The following HERC4 variants were observed in gnomAD, a reference collection of about 807,000 sequenced individuals.
The protein encoded by HERC4 is probable E3 ubiquitin-protein ligase HERC4.
A neutral mutation model predicts 124.3 loss-of-function variants in HERC4; 28 were observed. The ratio of observed to expected loss-of-function variants is 0.23; its 90% CI spans 0.17 to 0.31. HERC4 has a LOEUF of 0.31. HERC4 is among the 10% of genes least tolerant of loss of function. The pLI, the probability that HERC4 is intolerant of heterozygous loss-of-function variation, is 1.00. For missense variants in HERC4, 713 were observed against 1,229.3 expected, an observed-to-expected ratio of 0.58 and a Z score of 6.28; for synonymous variants, 407 against 421.5, an observed-to-expected ratio of 0.97 and a Z score of 0.42.
intron 16 of HERC4, among the ~76,000 whole-genome samples, chr10:67,962,266 A>G (rs986111070): frequency 6.6e-6 from 1 of 151,570 alleles, no homozygotes; most frequent in Non-Finnish European, 1.5e-5. Flanking sequence ...GGCCTGCTTG[A>G]TAACTATACT....
intron 7 of HERC4, among the ~76,000 whole-genome samples, chr10:68,031,839 C>A (rs927592339): frequency 6.6e-6 from 1 of 152,006 alleles, no homozygotes; most frequent in Non-Finnish European, 1.5e-5. Context: ...CTGCAAACTC[C>A]GCCTCCTGGG....
At position 67,936,213 on chromosome 10, in the gene HERC4, GCAC is replaced by G. The variant is rs2032345079; in HGVS notation, c.2591_2593del (p.Gly864del). 6.3e-7 allele frequency: 1 copy of G among 1,598,518 alleles called. No homozygotes were observed. Reference sequence around the variant, plus strand: ...TAGAACCAGCTCTTTCACTTCTGTTGCACCAAAGTTTTCAACTGTGATCTATTA... The same window carrying G: ...TAGAACCAGCTCTTTCACTTCTGTTGCAAAGTTTTCAACTGTGATCTATTA... On this transcript the variant is annotated inframe_deletion, in exon 22 of 25. Coordinates refer to ENST00000373700, the MANE Select transcript of HERC4 (RefSeq NM_015601.4).
chr10:67,931,471 G>T (rs2031800351), intron 23 of HERC4, among the ~76,000 whole-genome samples: 1 of 151,490 alleles, frequency 6.6e-6, no homozygotes, highest in African/African-American at 2.4e-5. Flanking sequence ...GCTTTTTTTT[G>T]GAGAGTGCAG....
At chr10:67,930,067 A>G (rs942013957) in intron 23 of HERC4, among the ~76,000 whole-genome samples, 6 of 151,850 alleles carry the variant, frequency 4.0e-5, no homozygotes, top group African/African-American at 1.5e-4. Flanking sequence ...CGGCCTCCCA[A>G]AGTGCTGGGA....
chr10:68,020,521 C>T (rs761663524), intron 8 of HERC4, among the ~76,000 whole-genome samples: 11 of 151,958 alleles, frequency 7.2e-5, no homozygotes, highest in Non-Finnish European at 1.3e-4. Context: ...AATCCCAGCA[C>T]TTTGGGAGGC....
chr10:67,943,261 T>C (rs2033066250), intron 19 of HERC4, among the ~76,000 whole-genome samples: 1 of 152,238 alleles, frequency 6.6e-6, no homozygotes, highest in African/African-American at 2.4e-5. Flanking sequence ...GACTGATTAA[T>C]GTGTTAAATC....
At chr10:68,000,941 G>C (rs1381673009) in intron 9 of HERC4, among the ~76,000 whole-genome samples, 1 of 152,180 alleles carries the variant, frequency 6.6e-6, no homozygotes, top group Non-Finnish European at 1.5e-5. Context: ...CGAGTTTGTG[G>C]TAGGTTGTTA....
chr10:67,926,862 T>C (rs1335431676), intron 23 of HERC4, among the ~76,000 whole-genome samples: 1 of 152,236 alleles, frequency 6.6e-6, no homozygotes, highest in African/African-American at 2.4e-5. Flanking sequence ...TAATTAAAAC[T>C]GTGTATTAAA....
At chr10:67,935,872 C>A (rs1476151575) in intron 22 of HERC4, among the ~76,000 whole-genome samples, 2 of 152,154 alleles carry the variant, frequency 1.3e-5, no homozygotes, top group Non-Finnish European at 2.9e-5. Context: ...CTTCGTGACT[C>A]CTCTTTTCCA....
chr10:67,992,324 C>A lies in HERC4; in HGVS notation c.1147-1G>T. 6.2e-7 allele frequency: 1 copy of A among 1,612,908 alleles called. No individual in the cohort carries two copies. The highest frequency in any genetic ancestry group is 1.1e-5 in the South Asian group (1 of 90,944). On this transcript the variant is annotated splice_acceptor_variant, in intron 10 of 24. Transcript: ENST00000373700. LOFTEE classifies it high-confidence loss of function. Reference sequence around the variant, plus strand: ...TGAAGTCATCTGGTGGCCCACAGTTCTAAATTTTCAAATAAGATTAGTCAG... The same window carrying A: ...TGAAGTCATCTGGTGGCCCACAGTTATAAATTTTCAAATAAGATTAGTCAG...
intron 9 of HERC4, chr10:68,010,683 G>C (rs188776627): frequency 9.7e-5 from 143 of 1,475,748 alleles, no homozygotes; most frequent in African/African-American, 9.0e-4. Flanking sequence ...GGGCCGCGCC[G>C]CTTACACATG....
chr10:67,963,370 C>A (rs554614824), intron 16 of HERC4, among the ~76,000 whole-genome samples: 2 of 152,102 alleles, frequency 1.3e-5, no homozygotes, highest in African/African-American at 4.8e-5. Flanking sequence ...GTGCCCGCCA[C>A]GATGCTTGGC....
At chr10:68,060,582 A>C (rs1050688752) in intron 3 of HERC4, among the ~76,000 whole-genome samples, 1 of 152,134 alleles carries the variant, frequency 6.6e-6, no homozygotes, top group Non-Finnish European at 1.5e-5. Flanking sequence ...ATTTCTCTCC[A>C]ATTATATGGT....
In HERC4 at chr10:68,025,559, T is replaced by C. The variant is rs754706086; in HGVS notation, c.895A>G (p.Ile299Val). The C allele has an allele frequency of 6.2e-7, 1 of 1,613,418 alleles. No homozygotes were observed. Among genetic ancestry groups the C allele is most frequent in the Non-Finnish European group, 8.5e-7 (1 of 1,179,664 alleles). Residue 299 changes from isoleucine to valine, a missense_variant, in exon 8 of 25, where the codon ATT becomes GTT. Coordinates refer to ENST00000373700, the MANE Select transcript of HERC4 (RefSeq NM_015601.4). ...ATAACACCTTACCGTCCACAAGCAATCTCAGTGACAATGCTTCCCATAAGT... is the reference window on the plus strand; with the variant it reads ...ATAACACCTTACCGTCCACAAGCAACCTCAGTGACAATGCTTCCCATAAGT... The part of the protein sequence containing the change: ...FELMGSIVTE[I>V]ACGRQHTSAF...
intron 8 of HERC4, among the ~76,000 whole-genome samples, chr10:68,020,789 T>G (rs1457273245): frequency 2.1e-5 from 3 of 145,740 alleles, no homozygotes; most frequent in Admixed American, 1.4e-4. Context: ...AAAAAAAGTT[T>G]GGAGTTGGAA....
At chr10:67,944,509 A>C (rs1412305733) in intron 19 of HERC4, among the ~76,000 whole-genome samples, 1 of 152,216 alleles carries the variant, frequency 6.6e-6, no homozygotes, top group Non-Finnish European at 1.5e-5. Context: ...CAGACTGTGA[A>C]GACTACAATA....
chr10:68,021,078 T>G (rs1211871748), intron 8 of HERC4, among the ~76,000 whole-genome samples: 1 of 152,138 alleles, frequency 6.6e-6, no homozygotes, highest in African/African-American at 2.4e-5. Flanking sequence ...GACATGAATC[T>G]AAACATCCAT....
intron 24 of HERC4, among the ~76,000 whole-genome samples, 200 bp from the exon 25 acceptor site, chr10:67,923,339 A>G (rs544924222): frequency 6.6e-6 from 1 of 152,340 alleles, no homozygotes; most frequent in Admixed American, 6.5e-5. Context: ...CTTTAAAAGT[A>G]TAATCTTAAT....
rs202149588 is a variant in HERC4, at chr10:67,923,068, C to T, written c.3013G>A (p.Gly1005Arg). The T allele has an allele frequency of 4.3e-5, 70 of 1,613,884 alleles. 1 individual carries two copies. In the East Asian group the frequency reaches 1.5e-3, roughly 35 times the overall value. ...KSLKLVIQST[G>R]GGEEYLPVSH... ...ACTGGGAGATACTCCTCACCACCTC[C>T]TGTGGACTGGATGACTAGTTTCAGA... The change falls in exon 25 of 25, where the codon GGA becomes AGA. Residue 1005 changes from glycine to arginine, a missense_variant. Physicochemically the swap from Gly to Arg is moderately radical, Grantham distance 125. Transcript: ENST00000373700.
Sources: gnomAD v4.1 joint callset for allele counts (sites outside exome capture counted in the v4.1 genomes callset) on GRCh38, gnomAD v4.1.1 for gene constraint, MANE v1.5 for transcripts, NCBI Gene and HGNC (gene_info 2026-07-23, HGNC 2026-07-21) for gene names.